The following PCGF6 variants were observed in gnomAD, a reference collection of about 807,000 sequenced individuals.
PCGF6 encodes the protein polycomb group ring finger 6.
PCGF6 carries 24 observed loss-of-function variants against 45.5 expected under a neutral mutation model. That is an observed-to-expected ratio of 0.53 (90% CI 0.38 to 0.74). The LOEUF (loss-of-function observed/expected upper bound fraction) is 0.74. Among genes scored for constraint, PCGF6 ranks in the 30% least tolerant of loss-of-function variants. The pLI is 0.00. For synonymous variants in PCGF6, 152 were observed against 162.1 expected, an observed-to-expected ratio of 0.94 and a Z score of 0.47; for missense variants, 356 against 443.2, an observed-to-expected ratio of 0.80 and a Z score of 1.77.
intron 3 of PCGF6, 64 bp downstream of exon 3, chr10:103,348,652 A>G (rs2093308478): frequency 2.4e-6 from 3 of 1,227,920 alleles, no homozygotes; most frequent in Non-Finnish European, 3.4e-6. Flanking sequence ...TTCCAACTAT[A>G]TAACTTCAAG....
At position 103,308,603 on chromosome 10, in the gene PCGF6, G is replaced by A. The variant is rs2093145713; in HGVS notation, c.997-4642C>T. ...AGATTTAATGAGAGCCAGGCATGGT[G>A]GATCACGCCTGTAATCCCAGCACTT... On this transcript the variant is annotated intron_variant, in intron 9 of 9. Coordinates refer to ENST00000369847, the MANE Select transcript of PCGF6 (RefSeq NM_001011663.2). 2.6e-5 allele frequency among the ~76,000 whole-genome samples: 4 copies of A among 152,010 alleles called. No homozygotes were observed. The South Asian group carries it at 8.3e-4, about 31-fold the overall frequency.
chr10:103,315,465 T>C (rs2093171434), intron 8 of PCGF6, among the ~76,000 whole-genome samples: 1 of 152,252 alleles, frequency 6.6e-6, no homozygotes, highest in Admixed American at 6.5e-5. Flanking sequence ...GTTCACGCCA[T>C]TCCCCTGCCT....
At chr10:103,318,925 T>C (rs2093186284) in intron 8 of PCGF6, among the ~76,000 whole-genome samples, 1 of 152,300 alleles carries the variant, frequency 6.6e-6, no homozygotes, top group South Asian at 2.1e-4. Flanking sequence ...GCCTCAAGGC[T>C]GATACGTTAA....
rs539049540 is a variant in PCGF6, at chr10:103,335,806, A to C, written c.783-1854T>G. Among the ~76,000 whole-genome samples, 4 of 152,082 alleles carry C rather than the reference A, an allele frequency of 2.6e-5. No homozygotes were observed. The South Asian group carries it at 8.3e-4, about 32-fold the overall frequency. ...CATAATGAAACCCCGTCTCTCCTAA[A>C]AATACAAAAAATTAGCTGGGTGTGG... On this transcript the variant is annotated intron_variant, in intron 6 of 9. Coordinates refer to ENST00000369847, the MANE Select transcript of PCGF6 (RefSeq NM_001011663.2).
chr10:103,305,781 C>T (rs190453698), intron 9 of PCGF6, among the ~76,000 whole-genome samples: 25 of 152,044 alleles, frequency 1.6e-4, no homozygotes, highest in Middle Eastern at 3.4e-3. Context: ...GATGCAGTGG[C>T]TCATGCCTGT....
intron 6 of PCGF6, among the ~76,000 whole-genome samples, chr10:103,336,672 T>G (rs1285384164): frequency 6.6e-6 from 1 of 152,102 alleles, no homozygotes; most frequent in Non-Finnish European, 1.5e-5. Flanking sequence ...GTCAGGAGTT[T>G]GAGACTTGCC....
intron 6 of PCGF6, among the ~76,000 whole-genome samples, chr10:103,335,353 C>T (rs1244340287): frequency 6.6e-6 from 1 of 151,564 alleles, no homozygotes; most frequent in Non-Finnish European, 1.5e-5. Flanking sequence ...CACACCCAGA[C>T]TCCAAAGCAC....
chr10:103,323,422 A>C (rs113877615), intron 8 of PCGF6, among the ~76,000 whole-genome samples: 1 of 151,112 alleles, frequency 6.6e-6, no homozygotes, highest in East Asian at 2.0e-4. Flanking sequence ...TCAGCCTCTC[A>C]AGTAGCTGGG....
At chr10:103,308,852 CAG>C (rs374799115) in intron 9 of PCGF6, among the ~76,000 whole-genome samples, 1 of 151,308 alleles carries the variant, frequency 6.6e-6, no homozygotes, top group Non-Finnish European at 1.5e-5. Context: ...ACCTGAGTGA[CAG>C]AGAGAGAGAG....
At chr10:103,331,940 G>A (rs962584101) in intron 7 of PCGF6, among the ~76,000 whole-genome samples, 7 of 151,982 alleles carry the variant, frequency 4.6e-5, no homozygotes, top group South Asian at 2.1e-4. Context: ...CAACAGGCAC[G>A]CGCCACCGCG....
rs761497338 is a variant in PCGF6 at position 103,326,584 on chromosome 10, G to A, written c.859C>T (p.His287Tyr). 1.2e-5 allele frequency: 20 copies of A among 1,612,410 alleles called. No individual in the cohort carries two copies. Among genetic ancestry groups the A allele is most frequent in the Non-Finnish European group, 1.7e-5 (20 of 1,179,748 alleles). ...TTTCTTCTGAGGAATTTTTCTACAT[G>A]TCCAATAGTTGCTTCTCCTGAAACT... ...VRVSGEATIG[H>Y]VEKFLRRKMG... The change falls in exon 8 of 10, where the codon CAT becomes TAT. Residue 287 changes from histidine (H) to tyrosine (Y), a missense_variant. Coordinates refer to ENST00000369847, the MANE Select transcript of PCGF6 (RefSeq NM_001011663.2).
intron 6 of PCGF6, 40 bp from the exon 7 acceptor site, chr10:103,333,992 T>A: frequency 7.4e-7 from 1 of 1,344,186 alleles, no homozygotes; most frequent in South Asian, 1.5e-5. Flanking sequence ...TTTAATACTT[T>A]AAGCTATATG....
chr10:103,324,358 A>C (rs1239003893), intron 8 of PCGF6, among the ~76,000 whole-genome samples: 1 of 144,094 alleles, frequency 6.9e-6, no homozygotes, highest in Non-Finnish European at 1.5e-5. Context: ...GCAAAGCTAT[A>C]TAAATGTTCA....
chr10:103,343,211 A>C (rs1385373816), intron 6 of PCGF6, among the ~76,000 whole-genome samples: 1 of 152,004 alleles, frequency 6.6e-6, no homozygotes, highest in Non-Finnish European at 1.5e-5. Context: ...TATAGGCGTG[A>C]GCCACCGCGC....
chr10:103,314,882 G>A (rs1022954375), intron 8 of PCGF6, among the ~76,000 whole-genome samples: 2 of 146,920 alleles, frequency 1.4e-5, no homozygotes, highest in African/African-American at 2.5e-5. Flanking sequence ...TCGACCCCAG[G>A]AGGTGTTGGT....
chr10:103,314,956 A>T (rs1345638868), intron 8 of PCGF6, among the ~76,000 whole-genome samples: 11 of 79,010 alleles, frequency 1.4e-4, no homozygotes, highest in African/African-American at 2.4e-4. Context: ...CTCTGTCATA[A>T]AAAAAAAAAA....
intron 7 of PCGF6, among the ~76,000 whole-genome samples, chr10:103,332,530 C>T (rs1817258786): frequency 6.6e-6 from 1 of 152,032 alleles, no homozygotes; most frequent in African/African-American, 2.4e-5. Context: ...CCTGAGTTGG[C>T]CTCCCAAAGT....
chr10:103,350,817 A>C lies in PCGF6; in HGVS notation c.250T>G (p.Leu84Val), dbSNP rs976977528. The change falls in exon 1 of 10, where the codon TTG becomes GTG. Residue 84 changes from leucine (L) to valine (V), a missense_variant. Leu to Val is a conservative substitution (Grantham distance 32, BLOSUM62 1). Around this residue, in one of 2 missense-constraint regions of PCGF6, gnomAD observed 307 missense variants for 350.1 expected, o/e 0.88. Coordinates refer to ENST00000369847, the MANE Select transcript of PCGF6 (RefSeq NM_001011663.2). ...TCCTCCAGCTCCTCTTCTTCTTCCA[A>C]CTCCTCGTCCTCGTCCTCGAAGCGG... ...RGRFEDEDEE[L>V]EEEEELEEEE... 2 of 1,546,034 alleles carry C rather than the reference A, an allele frequency of 1.3e-6. No individual in the cohort carries two copies. Among genetic ancestry groups the C allele is most frequent in the Non-Finnish European group, 1.7e-6 (2 of 1,145,386 alleles).
chr10:103,303,791 A>G lies in PCGF6; in HGVS notation c.*114T>C. 1 of 861,236 alleles carries G rather than the reference A, an allele frequency of 1.2e-6. No individual in the cohort carries two copies. Among genetic ancestry groups the G allele is most frequent in the Non-Finnish European group, 1.9e-6 (1 of 538,730 alleles). 53.3% of individuals were successfully genotyped at this position (861,236 alleles called of 1,614,324 possible). On this transcript the variant is annotated 3_prime_UTR_variant, in exon 10 of 10. Transcript: ENST00000369847. ...ATAATTCTTGGTGCTAAAAATAGGT[A>G]AGTTATGTCTTGAACAGCAAAGTGG...
Sources: allele counts gnomAD v4.1 joint callset (sites outside exome capture counted in the v4.1 genomes callset), GRCh38; gene constraint gnomAD v4.1.1; regional missense constraint gnomAD v4.1.1; transcripts MANE v1.5; gene names NCBI Gene and HGNC (gene_info 2026-07-23, HGNC 2026-07-21).